PCDHA10: variants seen among roughly 807,000 people sequenced by gnomAD.
The protein encoded by PCDHA10 is protocadherin alpha 10.
PCDHA10 carries 45 observed loss-of-function variants against 61.2 expected under a neutral mutation model. That is an observed-to-expected ratio of 0.74 (90% CI 0.58 to 0.94). PCDHA10 has a LOEUF of 0.94. Among genes scored for constraint, PCDHA10 ranks in the 40% least tolerant of loss-of-function variants. The pLI, the probability that PCDHA10 is intolerant of heterozygous loss-of-function variation, is 0.00. For missense variants in PCDHA10, 1,278 were observed against 1,236.2 expected, an observed-to-expected ratio of 1.03 and a Z score of -0.51; for synonymous variants, 602 against 548.8, an observed-to-expected ratio of 1.10 and a Z score of -1.35.
chr5:140,964,949 G>A (rs1322269042), intron 1 of PCDHA10, among the ~76,000 whole-genome samples: 1 of 152,226 alleles, frequency 6.6e-6, no homozygotes, highest in Non-Finnish European at 1.5e-5. Flanking sequence ...TAGTGAGTGT[G>A]CTTGGTTGGT....
intron 1 of PCDHA10, among the ~76,000 whole-genome samples, chr5:140,945,791 G>T (rs782283550): frequency 1.3e-5 from 2 of 152,064 alleles, no homozygotes; most frequent in Non-Finnish European, 2.9e-5. Flanking sequence ...GCAGAAAAAT[G>T]AAACTAGACC....
chr5:140,938,237 T>A (rs1287300526), intron 1 of PCDHA10, among the ~76,000 whole-genome samples: 1 of 152,208 alleles, frequency 6.6e-6, no homozygotes, highest in African/African-American at 2.4e-5. Context: ...TAGGCCACCA[T>A]GCCTGGTCTT....
At chr5:140,891,970 C>T (rs1554185021) in intron 1 of PCDHA10, among the ~76,000 whole-genome samples, 1 of 152,168 alleles carries the variant, frequency 6.6e-6, no homozygotes, top group African/African-American at 2.4e-5. Flanking sequence ...AGTAAATTTC[C>T]GTTCTCATAA....
intron 1 of PCDHA10, among the ~76,000 whole-genome samples, chr5:140,921,582 A>G (rs1451313725): frequency 6.6e-6 from 1 of 152,200 alleles, no homozygotes; most frequent in Non-Finnish European, 1.5e-5. Context: ...AGCTCATACT[A>G]TATTATGGTT....
chr5:140,929,163 G>T lies in PCDHA10; in HGVS notation c.2389-49786G>T, dbSNP rs142058597. On this transcript the variant is annotated intron_variant, in intron 1 of 3. Coordinates refer to ENST00000307360, the MANE Select transcript of PCDHA10 (RefSeq NM_018901.4). ...GACTTTCTCAGACTTATCTCTATCG[G>T]GCCTCTCTGGGACTTGGTTCTGATA... 2.4e-4 allele frequency: 385 copies of T among 1,614,058 alleles called. 2 individuals carry two copies. In the African/African-American group the frequency reaches 4.5e-3, roughly 19 times the overall value.
At chr5:140,945,705 A>G (rs868920609) in intron 1 of PCDHA10, among the ~76,000 whole-genome samples, 5 of 152,154 alleles carry the variant, frequency 3.3e-5, no homozygotes, top group South Asian at 2.1e-4. Flanking sequence ...GATTTGCAAC[A>G]AAAGTATCAA....
intron 1 of PCDHA10, among the ~76,000 whole-genome samples, chr5:140,910,949 C>T (rs1413845849): frequency 1.3e-5 from 2 of 152,112 alleles, no homozygotes; most frequent in African/African-American, 2.4e-5. Context: ...CAGTTCTTTT[C>T]GAGTGTAGCA....
chr5:140,977,364 A>G (rs967972541), intron 1 of PCDHA10, among the ~76,000 whole-genome samples: 2 of 152,206 alleles, frequency 1.3e-5, no homozygotes, highest in African/African-American at 4.8e-5. Flanking sequence ...GATAAAAAGT[A>G]TTTTAGTCAT....
At chr5:140,878,110 AC>A (rs1554170303) in intron 1 of PCDHA10, 1 of 249,146 alleles carries the variant, frequency 4.0e-6, no homozygotes, top group African/African-American at 2.3e-5. Context: ...CTTGAAAAAA[AC>A]AGTATATTAG....
At position 140,856,129 on chromosome 5, in the gene PCDHA10, C is replaced by T; in HGVS notation, c.81C>T (p.Ser27=). Reference sequence around the variant, plus strand: ...TCCTCGCAGCCTGGGAGGTGGGGAGCGGCCAGCTCCACTACTCAGTCTACG... The same window carrying T: ...TCCTCGCAGCCTGGGAGGTGGGGAGTGGCCAGCTCCACTACTCAGTCTACG... The part of the protein sequence containing the change: ...LLLLAAWEVG[S]GQLHYSVYEE... The change falls in exon 1 of 4, where the codon AGC becomes AGT. Residue 27 remains serine (S), a synonymous_variant. Coordinates refer to ENST00000307360, the MANE Select transcript of PCDHA10 (RefSeq NM_018901.4). 1 of 1,598,096 alleles carries T rather than the reference C, an allele frequency of 6.3e-7. No individual in the cohort carries two copies. Among genetic ancestry groups the T allele is most frequent in the Non-Finnish European group, 8.6e-7 (1 of 1,167,792 alleles).
chr5:140,972,773 T>C (rs201511055), intron 1 of PCDHA10, among the ~76,000 whole-genome samples: 2 of 151,600 alleles, frequency 1.3e-5, no homozygotes, highest in African/African-American at 2.4e-5. Context: ...AAGTGATTCT[T>C]CTGCCTCAGC....
intron 3 of PCDHA10, among the ~76,000 whole-genome samples, chr5:140,999,478 T>C (rs2097859281): frequency 6.6e-6 from 1 of 152,172 alleles, no homozygotes; most frequent in Non-Finnish European, 1.5e-5. Flanking sequence ...AGATTCCAAC[T>C]CAAGTCTATG....
intron 1 of PCDHA10, among the ~76,000 whole-genome samples, chr5:140,900,019 A>T (rs1164566696): frequency 1.3e-5 from 2 of 151,964 alleles, no homozygotes; most frequent in African/African-American, 4.8e-5. Flanking sequence ...TTTGTTACCC[A>T]GTTTGGCCTT....
At chr5:140,931,791 T>A (rs1168945699) in intron 1 of PCDHA10, among the ~76,000 whole-genome samples, 1 of 152,016 alleles carries the variant, frequency 6.6e-6, no homozygotes, top group African/African-American at 2.4e-5. Context: ...CCTATTGATC[T>A]GATCTTAATT....
At chr5:140,989,890 G>A (rs368567650) in intron 3 of PCDHA10, among the ~76,000 whole-genome samples, 5 of 151,974 alleles carry the variant, frequency 3.3e-5, no homozygotes, top group Middle Eastern at 3.4e-3. Context: ...TGGAGTCTCC[G>A]TTATTCACAA....
intron 1 of PCDHA10, chr5:140,870,960 C>T: frequency 6.2e-7 from 1 of 1,613,670 alleles, no homozygotes; most frequent in Non-Finnish European, 8.5e-7. Context: ...GCTCGCGCAT[C>T]CCGTTCCGCG....
chr5:140,978,545 T>C (rs1478928718), intron 1 of PCDHA10, among the ~76,000 whole-genome samples: 2 of 152,258 alleles, frequency 1.3e-5, no homozygotes, highest in Non-Finnish European at 2.9e-5. Context: ...TGTGTAGCCA[T>C]GTGCCCTGTT....
At chr5:140,870,425 C>T (rs531014522) in intron 1 of PCDHA10, 19 of 1,614,072 alleles carry the variant, frequency 1.2e-5, no homozygotes, top group Non-Finnish European at 1.5e-5. Context: ...GCCAGGGTAT[C>T]CGTGGAGGTG....
chr5:140,992,681 G>A (rs575311513), intron 3 of PCDHA10, among the ~76,000 whole-genome samples: 2 of 152,286 alleles, frequency 1.3e-5, no homozygotes, highest in South Asian at 4.2e-4. Flanking sequence ...TGTGTGTTAG[G>A]GGTTGAGGGG....
Sources: allele counts gnomAD v4.1 joint callset (sites outside exome capture counted in the v4.1 genomes callset), GRCh38; gene constraint gnomAD v4.1.1; transcripts MANE v1.5; gene names NCBI Gene and HGNC (gene_info 2026-07-23, HGNC 2026-07-21).